Variants in PPFIBP2 observed in about 807,000 individuals in gnomAD.
PPFIBP2 encodes liprin-beta-2.
In PPFIBP2, 118 loss-of-function variants were observed where a neutral mutation model predicts 118.3. The observed-to-expected ratio is 1.00, with a 90% confidence interval of 0.86 to 1.16. The LOEUF (loss-of-function observed/expected upper bound fraction) is 1.16, where lower values mean the gene tolerates loss of function less well. Among genes scored for constraint, PPFIBP2 ranks in the 50% most tolerant of loss-of-function variants. The probability of loss-of-function intolerance (pLI) is 0.00; values close to 1 mark genes in which losing one functional copy is unlikely to be tolerated. For missense variants in PPFIBP2, 1,195 were observed against 1,073.1 expected (o/e 1.11, Z -1.59); for synonymous variants, 414 against 397.4 (o/e 1.04, Z -0.50).
intron 2 of PPFIBP2, among the ~76,000 whole-genome samples, chr11:7,560,338 T>G (rs1366234387): frequency 6.6e-6 from 1 of 152,198 alleles, no homozygotes; most frequent in Non-Finnish European, 1.5e-5. Context: ...TCAACAAATT[T>G]AAAGTTTAAA....
Position 7,577,345 on chromosome 11 carries a change from G to GCGTGTGTGTGTGTA in PPFIBP2, c.279+11578_279+11579insCGTGTGTGTGTGTA, listed in dbSNP as rs1554958865. The stretch of plus-strand genomic sequence containing the variant: ...CGTGTGTGTGTGTGTGTGTGTGTGT[G>GCGTGTGTGTGTGTA]TGTGTGTTTGTTGGGGTGGTCGGGG... On this transcript the variant is annotated intron_variant, in intron 3 of 23. Coordinates refer to ENST00000299492, the MANE Select transcript of PPFIBP2 (RefSeq NM_003621.5). 6.3e-4 allele frequency: 210 copies of GCGTGTGTGTGTGTA among 333,818 alleles called. 3 individuals are homozygous for GCGTGTGTGTGTGTA. Among genetic ancestry groups the GCGTGTGTGTGTGTA allele is most frequent in the South Asian group, 1.5e-3 (67 of 43,470 alleles). The allele number at this position is 333,818 out of a possible 1,614,324, so 20.7% of individuals were successfully genotyped here.
chr11:7,649,606 T>A lies in PPFIBP2; in HGVS notation c.2073T>A (p.His691Gln). The A allele has an allele frequency of 2.5e-6, 4 of 1,614,254 alleles. No individual in the cohort carries two copies. The highest frequency in any genetic ancestry group is 3.4e-6 in the Non-Finnish European group (4 of 1,180,042). The change falls in exon 21 of 24, where the codon CAT becomes CAA. Residue 691 changes from histidine (H) to glutamine (Q), a missense_variant. Coordinates refer to ENST00000299492, the MANE Select transcript of PPFIBP2 (RefSeq NM_003621.5). ...TCAAATGTGCCATTCACGTGCTGCA[T>A]GTCAACAAGTTCAACCCCCACTGCC... ...LSIKCAIHVL[H>Q]VNKFNPHCLH...
intron 18 of PPFIBP2, 76 bp downstream of exon 18, chr11:7,648,613 T>TGTGTATGTGTGA: frequency 6.3e-7 from 1 of 1,576,810 alleles, no homozygotes; most frequent in Non-Finnish European, 8.7e-7. Flanking sequence ...GCCACTCCTG[T>TGTGTATGTGTGA]CACACATACA....
At chr11:7,606,804 T>G (rs1277855448) in intron 5 of PPFIBP2, among the ~76,000 whole-genome samples, 1 of 149,952 alleles carries the variant, frequency 6.7e-6, no homozygotes, top group Non-Finnish European at 1.5e-5. Context: ...CTCTTAGCTT[T>G]CAAAAGAGAT....
At chr11:7,577,919 A>G (rs1856688131) in intron 3 of PPFIBP2, among the ~76,000 whole-genome samples, 2 of 152,242 alleles carry the variant, frequency 1.3e-5, no homozygotes, top group Non-Finnish European at 2.9e-5. Flanking sequence ...GCACCTAAAC[A>G]GTCAGAGGCT....
Position 7,631,957 on chromosome 11 carries a change from C to T in PPFIBP2, c.1069-910C>T, listed in dbSNP as rs554413822. ...TGCCAGCGTTGTTGTTATAGTAGACCAAGAGGATGCTAGGATCTAGAGAAA... is the reference window on the plus strand; with the variant it reads ...TGCCAGCGTTGTTGTTATAGTAGACTAAGAGGATGCTAGGATCTAGAGAAA... On this transcript the variant is annotated intron_variant, in intron 11 of 23. Transcript: ENST00000299492. Among the ~76,000 whole-genome samples the T allele has an allele frequency of 5.3e-5, 8 of 152,234 alleles. No individual in the cohort carries two copies. In the South Asian group the frequency reaches 1.7e-3, roughly 32 times the overall value.
intron 6 of PPFIBP2, among the ~76,000 whole-genome samples, chr11:7,619,933 C>G (rs185383416): frequency 6.6e-6 from 1 of 152,270 alleles, no homozygotes; most frequent in Non-Finnish European, 1.5e-5. Context: ...GTTCAGAAAG[C>G]CTATGGAAGT....
In PPFIBP2 at chr11:7,562,929, TTATATATATA is replaced by T. The variant is rs60848890; in HGVS notation, c.65-2585_65-2576del. 3.9e-3 allele frequency among the ~76,000 whole-genome samples: 334 copies of T among 86,502 alleles called. 5 individuals are homozygous for T. The highest frequency in any genetic ancestry group is 0.019 in the East Asian group (45 of 2,398). 56.7% of individuals were successfully genotyped at this position (86,502 alleles called of 152,430 possible). ...TTTCAAAGAAATAGAAATTAAAGTTTTATATATATATATATATATATATATATATATATAT... is the reference window on the plus strand; with the variant it reads ...TTTCAAAGAAATAGAAATTAAAGTTTTATATATATATATATATATATATAT... On this transcript the variant is annotated intron_variant, in intron 2 of 23. Transcript: ENST00000299492.
intron 21 of PPFIBP2, 66 bp from the exon 22 acceptor site, chr11:7,650,774 C>T (rs1460456050): frequency 1.3e-6 from 2 of 1,555,672 alleles, no homozygotes; most frequent in East Asian, 2.3e-5. Context: ...CCGGGGCTGA[C>T]TCCACAGAGG....
intron 12 of PPFIBP2, among the ~76,000 whole-genome samples, chr11:7,634,145 C>T (rs948557369): frequency 6.6e-6 from 1 of 152,224 alleles, no homozygotes; most frequent in African/African-American, 2.4e-5. Flanking sequence ...CCAGCATCAG[C>T]ACCTTTCCCC....
intron 1 of PPFIBP2, among the ~76,000 whole-genome samples, chr11:7,533,694 G>A (rs1261350286): frequency 6.6e-6 from 1 of 152,202 alleles, no homozygotes; most frequent in Non-Finnish European, 1.5e-5. Flanking sequence ...CTTAGCATGG[G>A]TGGGATTTGA....
intron 16 of PPFIBP2, 124 bp downstream of exon 16, chr11:7,641,744 T>C: frequency 1.0e-6 from 1 of 998,048 alleles, no homozygotes; most frequent in Admixed American, 2.4e-5. Context: ...AGTGTTCATG[T>C]TCAAAGAGAA....
intron 3 of PPFIBP2, among the ~76,000 whole-genome samples, chr11:7,570,324 G>A (rs1590289297): frequency 6.6e-6 from 1 of 152,174 alleles, no homozygotes; most frequent in Non-Finnish European, 1.5e-5. Context: ...TTTGGGTGAC[G>A]CCCAGAAGAT....
downstream of PPFIBP2, among the ~76,000 whole-genome samples, chr11:7,654,412 G>A (rs879579323): frequency 6.6e-6 from 1 of 152,240 alleles, no homozygotes; most frequent in African/African-American, 2.4e-5. Flanking sequence ...CATCGCAGAA[G>A]AGTAACACCA....
chr11:7,529,827 C>T (rs753629137), intron 1 of PPFIBP2, among the ~76,000 whole-genome samples: 4 of 152,230 alleles, frequency 2.6e-5, no homozygotes, highest in Non-Finnish European at 4.4e-5. Flanking sequence ...AGGAAGGAAC[C>T]GAGGGGCTGT....
In PPFIBP2 at chr11:7,555,309, A is replaced by G. The variant is rs139762552; in HGVS notation, c.64+5770A>G. Among the ~76,000 whole-genome samples, 747 of 152,270 alleles carry G rather than the reference A, an allele frequency of 4.9e-3. 6 individuals are homozygous for G. Among genetic ancestry groups the G allele is most frequent in the African/African-American group, 0.015 (637 of 41,554 alleles). ...ATAGTTAAGAGGAGTCTGTTTTATGACAGTTAAAGAAGTTGCCCTGTCAGC... is the reference window on the plus strand; with the variant it reads ...ATAGTTAAGAGGAGTCTGTTTTATGGCAGTTAAAGAAGTTGCCCTGTCAGC... On this transcript the variant is annotated intron_variant, in intron 2 of 23. Coordinates refer to ENST00000299492, the MANE Select transcript of PPFIBP2 (RefSeq NM_003621.5).
At position 7,632,890 on chromosome 11, in the gene PPFIBP2, T is replaced by C. The variant is rs143708076; in HGVS notation, c.1092T>C (p.Pro364=). ...AGATGCCTCCAAGATGTAGCTCTCC[T>C]ACAGTGGGGCCACCTCCATTGCCAC... The part of the protein sequence containing the change: ...KQEMPPRCSS[P]TVGPPPLPQK... Residue 364 remains proline (P), a synonymous_variant, in exon 12 of 24, where the codon CCT becomes CCC. Transcript: ENST00000299492. 17 of 1,613,786 alleles carry C rather than the reference T, an allele frequency of 1.1e-5. No homozygotes were observed. The highest frequency in any genetic ancestry group is 9.9e-5 in the South Asian group (9 of 91,074).
At chr11:7,545,887 C>A (rs533032461) in intron 1 of PPFIBP2, among the ~76,000 whole-genome samples, 1 of 152,150 alleles carries the variant, frequency 6.6e-6, no homozygotes, top group Non-Finnish European at 1.5e-5. Flanking sequence ...CCAATCCTCC[C>A]GACTCCTACC....
chr11:7,627,804 C>T (rs1466871558), intron 8 of PPFIBP2, among the ~76,000 whole-genome samples: 2 of 152,170 alleles, frequency 1.3e-5, no homozygotes, highest in African/African-American at 2.4e-5. Context: ...TTAAATTAAG[C>T]CAAGTACCAA....
Sources: gnomAD v4.1 joint callset for allele counts (sites outside exome capture counted in the v4.1 genomes callset) on GRCh38, gnomAD v4.1.1 for gene constraint, MANE v1.5 for transcripts, NCBI Gene and HGNC (gene_info 2026-07-23, HGNC 2026-07-21) for gene names.